Variants in ANKMY1 observed in about 807,000 individuals in gnomAD.
ANKMY1 encodes the protein ankyrin repeat and MYND domain containing 1.
In ANKMY1, 98 loss-of-function variants were observed where a neutral mutation model predicts 102.0. The observed-to-expected ratio is 0.96, with a 90% CI of 0.82 to 1.14. The LOEUF is 1.14. Among genes scored for constraint, ANKMY1 ranks in the 50% most tolerant of loss-of-function variants. The pLI is 0.00. For missense variants in ANKMY1, 1,330 were observed against 1,347.6 expected (o/e 0.99, Z 0.20); for synonymous variants, 582 against 559.9 (o/e 1.04, Z -0.56).
Position 240,525,836 on chromosome 2 carries a change from T to C in ANKMY1, c.1184A>G (p.Asn395Ser), listed in dbSNP as rs774931704. The change falls in exon 7 of 18, where the codon AAC (asparagine) becomes AGC (serine). Residue 395 changes from asparagine to serine, a missense_variant. Transcript: ENST00000401804. ...VLAAAATHCH[N>S]DIVNLLLDCG... ...GTCCAGGAGAAGGTTGACAATGTCG[T>C]TGTGGCAGTGAGTCTGGAGGGAGAT... 6.8e-6 allele frequency: 11 copies of C among 1,613,894 alleles called. No homozygotes were observed. The highest frequency in any genetic ancestry group is 1.3e-5 in the African/African-American group (1 of 74,894).
chr2:240,539,727 G>A (rs1318884436), intron 4 of ANKMY1, among the ~76,000 whole-genome samples: 1 of 152,234 alleles, frequency 6.6e-6, no homozygotes, highest in Non-Finnish European at 1.5e-5. Flanking sequence ...ATGATGCTAA[G>A]TGTCAGATGC....
rs532178213 is a variant in ANKMY1 at position 240,534,405 on chromosome 2, G to A, written c.481-4896C>T. Among the ~76,000 whole-genome samples, 7 of 151,546 alleles carry A rather than the reference G, an allele frequency of 4.6e-5. No homozygotes were observed. The South Asian group carries it at 1.3e-3, about 27-fold the overall frequency. Reference sequence around the variant, plus strand: ...GAGGAACACTTGAGCCCGGGAGTTTGAGACCAGCCTGGGCAACATAGTGAG... The same window carrying A: ...GAGGAACACTTGAGCCCGGGAGTTTAAGACCAGCCTGGGCAACATAGTGAG... On this transcript the variant is annotated intron_variant, in intron 4 of 17. Coordinates refer to ENST00000401804, the MANE Select transcript of ANKMY1 (RefSeq NM_001282771.3).
chr2:240,517,936 T>C (rs1472199488), intron 9 of ANKMY1, among the ~76,000 whole-genome samples: 1 of 152,206 alleles, frequency 6.6e-6, no homozygotes, highest in Admixed American at 6.5e-5. Context: ...GAAAGAAAGA[T>C]TGCATTTTAG....
intron 7 of ANKMY1, 92 bp downstream of exon 7, chr2:240,525,593 C>G (rs2083196025): frequency 6.9e-7 from 1 of 1,453,762 alleles, no homozygotes; most frequent in Non-Finnish European, 9.3e-7. Flanking sequence ...AAGCCTGGTC[C>G]ACACAGGAGG....
the ANKMY1 span, among the ~76,000 whole-genome samples, chr2:240,474,262 A>ATTT: frequency 0.067 from 6,084 of 90,914 alleles, 350 homozygotes; most frequent in African/African-American, 0.078. Context: ...TGCCTGGCTA[A>ATTT]TTTTTTTTTT....
Position 240,555,169 on chromosome 2 carries a change from G to C in ANKMY1, c.147-114C>G. On this transcript the variant is annotated intron_variant, in intron 2 of 17. Transcript: ENST00000401804. ...CATCTCATTTCATCCCACAGTCCCG[G>C]GGCAGGTGCCGCTGCATCCCCACTC... 3 of 1,166,524 alleles carry C rather than the reference G, an allele frequency of 2.6e-6. No homozygotes were observed. In the East Asian group the frequency reaches 7.4e-5, roughly 29 times the overall value. 72.3% of individuals were successfully genotyped at this position (1,166,524 alleles called of 1,614,324 possible).
intron 13 of ANKMY1, among the ~76,000 whole-genome samples, chr2:240,502,127 G>A (rs1218845305): frequency 1.3e-5 from 2 of 152,048 alleles, no homozygotes; most frequent in South Asian, 2.1e-4. Context: ...ATGATGGATC[G>A]ACCTTTCCCT....
At chr2:240,497,129 C>A (rs867757781) in intron 15 of ANKMY1, among the ~76,000 whole-genome samples, 1 of 148,230 alleles carries the variant, frequency 6.7e-6, no homozygotes, top group African/African-American at 2.5e-5. Context: ...GGAAGCTGAG[C>A]ATAAGAATGG....
chr2:240,518,052 C>T (rs1164310415), intron 9 of ANKMY1, among the ~76,000 whole-genome samples: 2 of 152,124 alleles, frequency 1.3e-5, no homozygotes, highest in Non-Finnish European at 2.9e-5. Context: ...AGCAGCGAGA[C>T]GGATGCGTGG....
intron 13 of ANKMY1, among the ~76,000 whole-genome samples, chr2:240,501,643 C>T (rs1188670267): frequency 6.6e-6 from 1 of 152,234 alleles, no homozygotes; most frequent in African/African-American, 2.4e-5. Flanking sequence ...AACACACATT[C>T]CACGCAAACA....
chr2:240,532,044 A>T (rs1192956212), intron 4 of ANKMY1: 1 of 461,360 alleles, frequency 2.2e-6, no homozygotes, highest in Non-Finnish European at 4.5e-6. Flanking sequence ...CGAGTACCAG[A>T]GAGAGAGGAG....
rs73104096 is a variant in ANKMY1, at chr2:240,494,664, G to A, written c.2806+5294C>T. 7.7e-3 allele frequency among the ~76,000 whole-genome samples: 1,174 copies of A among 152,260 alleles called. 13 individuals carry two copies. Among genetic ancestry groups the A allele is most frequent in the African/African-American group, 0.023 (942 of 41,544 alleles). On this transcript the variant is annotated intron_variant, in intron 15 of 17. Transcript: ENST00000401804. ...AGGCCACTTAGGTCTCAGAAAGGGT[G>A]TGGAACCCAGTGCAACCTTCCTTCC...
intron 8 of ANKMY1, chr2:240,522,464 T>C (rs2152341072): frequency 6.6e-6 from 1 of 152,354 alleles, no homozygotes; most frequent in African/African-American, 2.4e-5. Context: ...TGAGTGGAGA[T>C]TCAGCCTCCC....
At chr2:240,540,318 C>G (rs1244358343) in intron 4 of ANKMY1, among the ~76,000 whole-genome samples, 1 of 152,208 alleles carries the variant, frequency 6.6e-6, no homozygotes, top group Non-Finnish European at 1.5e-5. Flanking sequence ...CTCAGGACTC[C>G]CTGAGATTGT....
At chr2:240,485,769 T>A (rs565501498) in intron 15 of ANKMY1, among the ~76,000 whole-genome samples, 10 of 152,092 alleles carry the variant, frequency 6.6e-5, no homozygotes, top group Admixed American at 1.3e-4. Flanking sequence ...TTAAAAAAAA[T>A]TTTTGTAGAG....
rs1428138915 is a variant in ANKMY1, at chr2:240,506,081, C to T, written c.2526+1479G>A. On this transcript the variant is annotated intron_variant, in intron 13 of 17. Transcript: ENST00000401804. This position sits in a 1 kb window ranked among gnomAD's most constrained non-coding sequence, Gnocchi z 4.9. Reference sequence around the variant, plus strand: ...ACAAGATGCTGGGGAGCCCCCTAACCCTGGACGAGGTGCTGGGGAGCCCCC... The same window carrying T: ...ACAAGATGCTGGGGAGCCCCCTAACTCTGGACGAGGTGCTGGGGAGCCCCC... Among the ~76,000 whole-genome samples the T allele has an allele frequency of 6.6e-6, 1 of 152,038 alleles. No individual in the cohort carries two copies. Among genetic ancestry groups the T allele is most frequent in the Non-Finnish European group, 1.5e-5 (1 of 67,998 alleles).
At chr2:240,561,020 C>A, upstream of ANKMY1, 1 of 1,536,634 alleles carries the variant, frequency 6.5e-7, no homozygotes, top group Non-Finnish European at 8.7e-7. Flanking sequence ...GCTCGGCCGC[C>A]GTCTGCACCG....
At chr2:240,519,027 G>A (rs2081661475) in intron 9 of ANKMY1, among the ~76,000 whole-genome samples, 1 of 152,238 alleles carries the variant, frequency 6.6e-6, no homozygotes, top group Non-Finnish European at 1.5e-5. Context: ...TGTGAAGAAG[G>A]TAAAGTGCTG....
At chr2:240,528,696 C>G (rs138901071) in intron 5 of ANKMY1, among the ~76,000 whole-genome samples, 50 of 152,140 alleles carry the variant, frequency 3.3e-4, no homozygotes, top group African/African-American at 9.7e-4. Context: ...CACATCCCCC[C>G]ACCAGGTTCT....
Sources: allele counts gnomAD v4.1 joint callset (sites outside exome capture counted in the v4.1 genomes callset), GRCh38; gene constraint gnomAD v4.1.1; non-coding constraint Gnocchi (gnomAD v3.1); transcripts MANE v1.5; gene names NCBI Gene and HGNC (gene_info 2026-07-23, HGNC 2026-07-21).